Variants in CAST observed in about 807,000 individuals in gnomAD.
The protein encoded by CAST is calpastatin.
Under a neutral mutation model 119.6 loss-of-function variants are expected in CAST, and 76 were observed. The observed-to-expected ratio is 0.64, with a 90% CI of 0.53 to 0.77. The LOEUF is 0.77. Among genes scored for constraint, CAST ranks in the 30% least tolerant of loss-of-function variants. The pLI, the probability that CAST is intolerant of heterozygous loss-of-function variation, is 0.00. For synonymous variants in CAST, 319 were observed against 331.6 expected, an observed-to-expected ratio of 0.96 and a Z score of 0.41; for missense variants, 953 against 946.5, an observed-to-expected ratio of 1.01 and a Z score of -0.09.
chr5:96,733,259 A>G (rs1332417388), intron 9 of CAST, among the ~76,000 whole-genome samples: 1 of 152,192 alleles, frequency 6.6e-6, no homozygotes, highest in African/African-American at 2.4e-5. Flanking sequence ...CTCTTGCACC[A>G]ATGAGGAATG....
chr5:96,445,716 A>G, the CAST span, among the ~76,000 whole-genome samples: 5 of 152,302 alleles, frequency 3.3e-5, no homozygotes, highest in Non-Finnish European at 7.3e-5. Flanking sequence ...TCTGCAGATC[A>G]CTGGCATTCT....
the CAST span, among the ~76,000 whole-genome samples, chr5:96,190,848 G>A: frequency 6.6e-6 from 1 of 152,116 alleles, no homozygotes; most frequent in African/African-American, 2.4e-5. Context: ...ACTGAGCATG[G>A]TATCTGCTAG....
At chr5:96,194,601 T>C in the CAST span, among the ~76,000 whole-genome samples, 1 of 152,210 alleles carries the variant, frequency 6.6e-6, no homozygotes. Context: ...ATAACAAACC[T>C]AGCAAACTAT....
chr5:96,416,067 G>A, the CAST span: 19 of 1,612,446 alleles, frequency 1.2e-5, no homozygotes, highest in African/African-American at 6.7e-5. Flanking sequence ...CTCCAACCCC[G>A]CATTTGTGAT....
chr5:96,746,314 C>CT (rs370057106), intron 16 of CAST, 28 bp from the exon 17 acceptor site: 645 of 1,319,056 alleles, frequency 4.9e-4, no homozygotes, highest in Non-Finnish European at 6.5e-4. Context: ...TATCCAACTA[C>CT]TTTTTTTTTC....
chr5:96,052,100 C>T, the CAST span, among the ~76,000 whole-genome samples: 4 of 151,994 alleles, frequency 2.6e-5, no homozygotes, highest in Non-Finnish European at 5.9e-5. Context: ...TGAGTTAGTA[C>T]GTTCATGGGT....
At chr5:96,603,735 G>A (rs1235997448) in intron 1 of CAST, among the ~76,000 whole-genome samples, 1 of 144,794 alleles carries the variant, frequency 6.9e-6, no homozygotes, top group Admixed American at 6.9e-5. Context: ...ATTATGTACT[G>A]TACATCATTG....
At position 96,607,243 on chromosome 5, in the gene CAST, G is replaced by C. The variant is rs565018266; in HGVS notation, c.61-68296G>C. ...GCGGAGCTTGCAGTGAGCCGAGATC[G>C]CACCACTGCACTCCAGCCTGGGCGA... On this transcript the variant is annotated intron_variant, in intron 1 of 11. Coordinates refer to the CAST transcript ENST00000505143. Among the ~76,000 whole-genome samples the C allele has an allele frequency of 5.3e-5, 8 of 152,236 alleles. No homozygotes were observed. The South Asian group carries it at 1.7e-3, about 32-fold the overall frequency.
chr5:96,291,502 A>G, the CAST span, among the ~76,000 whole-genome samples: 1 of 152,180 alleles, frequency 6.6e-6, no homozygotes, highest in Non-Finnish European at 1.5e-5. Context: ...AGATGAACAA[A>G]TGTCAAATGA....
At chr5:96,110,413 A>G in the CAST span, among the ~76,000 whole-genome samples, 11 of 152,224 alleles carry the variant, frequency 7.2e-5, no homozygotes, top group African/African-American at 2.4e-4. Context: ...TCATGGTTAC[A>G]GTAATCTTAC....
At chr5:96,074,740 C>T in the CAST span, among the ~76,000 whole-genome samples, 1 of 152,158 alleles carries the variant, frequency 6.6e-6, no homozygotes, top group Admixed American at 6.5e-5. Context: ...AAGGTTAAAC[C>T]AGCAAATTCA....
chr5:96,647,535 G>T (rs941257829), intron 1 of CAST, among the ~76,000 whole-genome samples: 6 of 152,076 alleles, frequency 3.9e-5, no homozygotes, highest in African/African-American at 1.4e-4. Flanking sequence ...AAATGAATAT[G>T]TTGAAGTCCT....
intron 3 of CAST, among the ~76,000 whole-genome samples, chr5:96,719,043 A>G (rs1047798783): frequency 1.3e-5 from 2 of 152,134 alleles, no homozygotes; most frequent in Non-Finnish European, 2.9e-5. Context: ...ACGTGAAGGG[A>G]TTCTAATGTG....
chr5:96,667,630 T>G (rs947712242), intron 1 of CAST, among the ~76,000 whole-genome samples: 3 of 152,138 alleles, frequency 2.0e-5, no homozygotes, highest in African/African-American at 7.2e-5. Flanking sequence ...AACGAACACT[T>G]GGGGTTCAGT....
chr5:96,040,142 T>C, the CAST span, among the ~76,000 whole-genome samples: 1 of 152,212 alleles, frequency 6.6e-6, no homozygotes, highest in Non-Finnish European at 1.5e-5. Flanking sequence ...CAATTGTGAA[T>C]AGGAGTTCAC....
At chr5:96,670,529 T>G (rs1749927503) in intron 1 of CAST, among the ~76,000 whole-genome samples, 1 of 152,184 alleles carries the variant, frequency 6.6e-6, no homozygotes, top group African/African-American at 2.4e-5. Context: ...GATGGAGTTT[T>G]GCTCGTTACT....
At chr5:96,245,210 G>A in the CAST span, among the ~76,000 whole-genome samples, 2 of 152,138 alleles carry the variant, frequency 1.3e-5, no homozygotes, top group South Asian at 4.1e-4. Context: ...AAGTGTAAAA[G>A]TTTTTTCTTT....
the CAST span, among the ~76,000 whole-genome samples, chr5:96,340,293 C>T: frequency 6.6e-6 from 1 of 152,158 alleles, no homozygotes; most frequent in African/African-American, 2.4e-5. Context: ...CATTTCAGCT[C>T]AGGTCCTTTT....
the CAST span, among the ~76,000 whole-genome samples, chr5:96,422,399 G>T: frequency 6.6e-6 from 1 of 152,082 alleles, no homozygotes; most frequent in African/African-American, 2.4e-5. Context: ...TGGGACTCAG[G>T]TCCATGGTGC....
Sources: gnomAD v4.1 joint callset for allele counts (sites outside exome capture counted in the v4.1 genomes callset) on GRCh38, gnomAD v4.1.1 for gene constraint, MANE v1.5 for transcripts, NCBI Gene and HGNC (gene_info 2026-07-23, HGNC 2026-07-21) for gene names.